Variants in ASCC3 observed in about 807,000 individuals in gnomAD.
ASCC3 encodes ASC-1 complex subunit P200.
In ASCC3, 158 loss-of-function variants were observed where a neutral mutation model predicts 256.3. The observed-to-expected ratio is 0.62, with a 90% CI of 0.54 to 0.70. The LOEUF (loss-of-function observed/expected upper bound fraction) is 0.70. ASCC3 is among the 30% of genes least tolerant of loss of function. The probability of loss-of-function intolerance (pLI) is 0.00; values close to 1 mark genes in which losing one functional copy is unlikely to be tolerated. For missense variants in ASCC3, 2,259 were observed against 2,626.0 expected, an observed-to-expected ratio of 0.86 and a Z score of 3.05; for synonymous variants, 948 against 883.4, an observed-to-expected ratio of 1.07 and a Z score of -1.30.
chr6:100,530,339 A>G, intron 37 of ASCC3: 4 of 1,413,436 alleles, frequency 2.8e-6, no homozygotes, highest in Non-Finnish European at 3.0e-6. Flanking sequence ...CACACAATCT[A>G]GTGAAAAAAA....
At chr6:100,748,445 C>T (rs1301612962) in intron 10 of ASCC3, among the ~76,000 whole-genome samples, 1 of 151,960 alleles carries the variant, frequency 6.6e-6, no homozygotes, top group East Asian at 1.9e-4. Context: ...AAACAAGATA[C>T]TGTTTTTGAA....
At chr6:100,805,209 T>C (rs1770112243) in intron 5 of ASCC3, among the ~76,000 whole-genome samples, 2 of 152,134 alleles carry the variant, frequency 1.3e-5, no homozygotes, top group Admixed American at 6.6e-5. Context: ...ATGATGTCCT[T>C]TGCAACAATA....
intron 36 of ASCC3, among the ~76,000 whole-genome samples, chr6:100,546,875 C>T (rs1768992088): frequency 6.6e-6 from 1 of 151,998 alleles, no homozygotes; most frequent in Non-Finnish European, 1.5e-5. Flanking sequence ...TACTTAGGTA[C>T]CTTTTGACCC....
intron 36 of ASCC3, among the ~76,000 whole-genome samples, chr6:100,556,952 A>T (rs1440206300): frequency 6.6e-6 from 1 of 152,156 alleles, no homozygotes; most frequent in African/African-American, 2.4e-5. Context: ...ATTACCCCCA[A>T]AAATTCATCT....
chr6:100,531,375 G>T (rs1774864032), intron 37 of ASCC3, among the ~76,000 whole-genome samples: 1 of 152,042 alleles, frequency 6.6e-6, no homozygotes, highest in Non-Finnish European at 1.5e-5. Flanking sequence ...TTCCATTCTT[G>T]CATAAAGCAC....
intron 4 of ASCC3, among the ~76,000 whole-genome samples, chr6:100,831,754 C>T (rs1771629485): frequency 6.6e-6 from 1 of 151,682 alleles, no homozygotes; most frequent in African/African-American, 2.4e-5. Context: ...AACTGGCAGT[C>T]AACAAAATCA....
chr6:100,529,618 T>C (rs1774764780), intron 37 of ASCC3, among the ~76,000 whole-genome samples: 1 of 152,204 alleles, frequency 6.6e-6, no homozygotes, highest in Non-Finnish European at 1.5e-5. Flanking sequence ...ATGGGAATTC[T>C]CGGTTAAAAA....
chr6:100,629,276 A>G, intron 26 of ASCC3, 95 bp from the exon 27 acceptor site: 1 of 1,172,722 alleles, frequency 8.5e-7, no homozygotes, highest in South Asian at 1.4e-5. Context: ...AAAATTTTAT[A>G]AGGCTTAAAA....
At chr6:100,649,552 A>G (rs1228975030) in intron 20 of ASCC3, among the ~76,000 whole-genome samples, 2 of 151,620 alleles carry the variant, frequency 1.3e-5, no homozygotes, top group African/African-American at 4.8e-5. Context: ...TACTACATGC[A>G]TTCAAAATGT....
intron 4 of ASCC3, among the ~76,000 whole-genome samples, chr6:100,845,052 G>C (rs539867550): frequency 5.3e-5 from 8 of 152,124 alleles, no homozygotes; most frequent in African/African-American, 1.9e-4. Context: ...TAAAGAAATT[G>C]TGAATTAAGA....
intron 1 of ASCC3, among the ~76,000 whole-genome samples, chr6:100,876,462 A>G (rs866091783): frequency 8.5e-5 from 13 of 152,220 alleles, no homozygotes; most frequent in Admixed American, 4.6e-4. Flanking sequence ...AACCAGGGTT[A>G]AGGTTTTGTA....
chr6:100,765,890 A>G (rs1458570329), intron 10 of ASCC3, among the ~76,000 whole-genome samples: 2 of 152,164 alleles, frequency 1.3e-5, no homozygotes, highest in Non-Finnish European at 2.9e-5. Context: ...TTTTCCATCA[A>G]ACTATGAATT....
intron 4 of ASCC3, among the ~76,000 whole-genome samples, chr6:100,847,177 TTAGA>T (rs1772423815): frequency 1.3e-5 from 2 of 152,166 alleles, no homozygotes; most frequent in East Asian, 1.9e-4. Context: ...TATCCATTAA[TTAGA>T]TATTTATAAA....
intron 4 of ASCC3, among the ~76,000 whole-genome samples, chr6:100,826,150 T>C (rs1300555717): frequency 6.6e-6 from 1 of 152,048 alleles, no homozygotes; most frequent in Non-Finnish European, 1.5e-5. Flanking sequence ...TTTTCATTTT[T>C]TGAGACAGTC....
chr6:100,514,015 C>T (rs1429097648), intron 39 of ASCC3, among the ~76,000 whole-genome samples: 3 of 151,170 alleles, frequency 2.0e-5, no homozygotes, highest in Non-Finnish European at 4.4e-5. Context: ...CTATAGATTT[C>T]CTTATAGGCT....
chr6:100,844,581 T>C (rs1772302591), intron 4 of ASCC3, among the ~76,000 whole-genome samples: 1 of 152,104 alleles, frequency 6.6e-6, no homozygotes, highest in Non-Finnish European at 1.5e-5. Flanking sequence ...CTTATTCACT[T>C]CCGGGTGTTA....
intron 36 of ASCC3, among the ~76,000 whole-genome samples, chr6:100,542,550 C>T (rs1409340582): frequency 1.3e-5 from 2 of 151,966 alleles, no homozygotes; most frequent in Non-Finnish European, 2.9e-5. Flanking sequence ...GGCATGGTGG[C>T]ACGCACCTGT....
At chr6:100,841,381 C>T (rs555612263) in intron 4 of ASCC3, among the ~76,000 whole-genome samples, 76 of 151,860 alleles carry the variant, frequency 5.0e-4, no homozygotes, top group African/African-American at 1.8e-3. Context: ...AGGCAAAAGT[C>T]CCCAATTTGA....
intron 11 of ASCC3, among the ~76,000 whole-genome samples, chr6:100,720,753 G>A (rs1263111448): frequency 1.3e-5 from 2 of 150,726 alleles, no homozygotes; most frequent in South Asian, 2.1e-4. Flanking sequence ...AGTACAAAAC[G>A]ATATAATTAG....
Sources: gnomAD v4.1 joint callset for allele counts (sites outside exome capture counted in the v4.1 genomes callset) on GRCh38, gnomAD v4.1.1 for gene constraint, MANE v1.5 for transcripts, NCBI Gene and HGNC (gene_info 2026-07-23, HGNC 2026-07-21) for gene names.